Variants in CDKAL1 observed in about 807,000 individuals in gnomAD.
The protein encoded by CDKAL1 is threonylcarbamoyladenosine tRNA methylthiotransferase.
In CDKAL1, 32 loss-of-function variants were observed where a neutral mutation model predicts 68.2. The observed-to-expected ratio is 0.47, with a 90% CI of 0.35 to 0.63. CDKAL1 has a LOEUF of 0.63. Ranked by LOEUF, CDKAL1 falls within the 30% of genes least tolerant of loss-of-function variation. The probability of loss-of-function intolerance (pLI) is 0.00; values close to 1 mark genes in which losing one functional copy is unlikely to be tolerated. For synonymous variants in CDKAL1, 234 were observed against 244.3 expected, an observed-to-expected ratio of 0.96 and a Z score of 0.39; for missense variants, 606 against 696.7, an observed-to-expected ratio of 0.87 and a Z score of 1.47.
intron 9 of CDKAL1, among the ~76,000 whole-genome samples, chr6:20,860,933 A>ATTTTTT (rs70990075): frequency 7.4e-6 from 1 of 134,230 alleles, no homozygotes; most frequent in Non-Finnish European, 1.6e-5. Flanking sequence ...AGTGTGGTCT[A>ATTTTTT]TTTTTTTTTT....
At chr6:20,988,160 A>C (rs923964383) in intron 10 of CDKAL1, among the ~76,000 whole-genome samples, 2 of 146,008 alleles carry the variant, frequency 1.4e-5, no homozygotes, top group East Asian at 2.1e-4. Flanking sequence ...GGATTAATCA[A>C]AGTCCTTCAA....
At chr6:20,871,899 T>C (rs1408440839) in intron 9 of CDKAL1, among the ~76,000 whole-genome samples, 2 of 152,198 alleles carry the variant, frequency 1.3e-5, no homozygotes, top group Non-Finnish European at 2.9e-5. Context: ...ACAAACAATA[T>C]ATATGTCTCC....
chr6:20,709,450 C>CA (rs1339466521), intron 5 of CDKAL1, among the ~76,000 whole-genome samples: 12 of 148,006 alleles, frequency 8.1e-5, no homozygotes, highest in East Asian at 3.9e-4. Flanking sequence ...ATTAGGGATG[C>CA]AAAAAAAAAA....
chr6:20,538,694 G>A (rs1763272380), intron 2 of CDKAL1, among the ~76,000 whole-genome samples: 2 of 152,132 alleles, frequency 1.3e-5, no homozygotes, highest in African/African-American at 4.8e-5. Context: ...CATTCCAAAG[G>A]CACTACCTGG....
intron 12 of CDKAL1, among the ~76,000 whole-genome samples, chr6:21,094,689 T>G (rs1773229752): frequency 6.6e-6 from 1 of 152,208 alleles, no homozygotes; most frequent in African/African-American, 2.4e-5. Flanking sequence ...GTCTTGGTTG[T>G]TAGTGATAGA....
intron 11 of CDKAL1, among the ~76,000 whole-genome samples, chr6:21,006,571 T>A (rs1206818344): frequency 2.0e-5 from 3 of 152,370 alleles, no homozygotes; most frequent in Middle Eastern, 3.4e-3. Context: ...CTTCTCTCCA[T>A]TGCTACTTTT....
intron 15 of CDKAL1, among the ~76,000 whole-genome samples, chr6:21,211,104 G>A (rs761891119): frequency 7.2e-5 from 11 of 152,198 alleles, no homozygotes; most frequent in Admixed American, 1.3e-4. Context: ...TGTGGAGAGG[G>A]TTTTCAGACA....
At chr6:20,583,955 T>C (rs976707141) in intron 4 of CDKAL1, among the ~76,000 whole-genome samples, 2 of 152,034 alleles carry the variant, frequency 1.3e-5, no homozygotes, top group Non-Finnish European at 2.9e-5. Flanking sequence ...AAAGTAAGTA[T>C]AGGAAACAGA....
Position 20,757,158 on chromosome 6 carries a change from C to T in CDKAL1, c.469-1437C>T, listed in dbSNP as rs186911781. Reference sequence around the variant, plus strand: ...ATGTTGGCCAGGCTGGTCTCGAACTCCTGACCTCAAGTGATCTGCCCCCTC... The same window carrying T: ...ATGTTGGCCAGGCTGGTCTCGAACTTCTGACCTCAAGTGATCTGCCCCCTC... On this transcript the variant is annotated intron_variant, in intron 6 of 15. Transcript: ENST00000274695. Among the ~76,000 whole-genome samples, 443 of 152,144 alleles carry T rather than the reference C, an allele frequency of 2.9e-3. 1 individual carries two copies. Among genetic ancestry groups the T allele is most frequent in the African/African-American group, 9.8e-3 (407 of 41,484 alleles).
chr6:20,875,462 T>C (rs528345191), intron 9 of CDKAL1, among the ~76,000 whole-genome samples: 10 of 151,884 alleles, frequency 6.6e-5, no homozygotes, highest in African/African-American at 2.4e-4. Flanking sequence ...AGAAAAAAAA[T>C]AGTGCTTCCC....
intron 8 of CDKAL1, among the ~76,000 whole-genome samples, chr6:20,836,726 G>GT (rs1413696015): frequency 6.6e-6 from 1 of 152,092 alleles, no homozygotes; most frequent in African/African-American, 2.4e-5. Context: ...AATGGGGGTA[G>GT]TTTTTATCAT....
chr6:20,903,637 T>TAGA (rs1412051126), intron 9 of CDKAL1, among the ~76,000 whole-genome samples: 3 of 152,220 alleles, frequency 2.0e-5, no homozygotes, highest in Admixed American at 6.5e-5. Context: ...TGCTTCTAAA[T>TAGA]AGAAAATGAG....
chr6:20,555,560 C>T (rs1398292113), intron 4 of CDKAL1, among the ~76,000 whole-genome samples: 1 of 148,952 alleles, frequency 6.7e-6, no homozygotes, highest in South Asian at 2.1e-4. Context: ...ACCTAGTGAT[C>T]TACCCATCTT....
chr6:20,703,841 A>G (rs542513165), intron 5 of CDKAL1, among the ~76,000 whole-genome samples: 1 of 152,342 alleles, frequency 6.6e-6, no homozygotes, highest in South Asian at 2.1e-4. Context: ...ATTTTCAGGA[A>G]TATTTTTAAT....
intron 8 of CDKAL1, among the ~76,000 whole-genome samples, chr6:20,802,312 C>CAATAATAATAATAATAAT (rs1349564349): frequency 4.9e-4 from 49 of 99,688 alleles, no homozygotes; most frequent in Middle Eastern, 5.2e-3. Flanking sequence ...ACAACAACAA[C>CAATAATAATAATAATAAT]AACAATAATA....
At chr6:20,647,766 A>G (rs563389120) in intron 4 of CDKAL1, among the ~76,000 whole-genome samples, 26 of 152,124 alleles carry the variant, frequency 1.7e-4, no homozygotes, top group Non-Finnish European at 2.8e-4. Context: ...TTTATGTTTT[A>G]TATAAGGCAC....
chr6:21,162,787 G>T (rs1776978389), intron 13 of CDKAL1, among the ~76,000 whole-genome samples: 1 of 152,042 alleles, frequency 6.6e-6, no homozygotes, highest in Non-Finnish European at 1.5e-5. Flanking sequence ...AATTAGTTGG[G>T]TGTGGTGGCA....
chr6:20,848,993 G>GT (rs1376309668), intron 9 of CDKAL1, among the ~76,000 whole-genome samples: 1 of 151,796 alleles, frequency 6.6e-6, no homozygotes, highest in African/African-American at 2.4e-5. Context: ...GAGTCTCCCT[G>GT]TGTTTGCCAG....
intron 12 of CDKAL1, among the ~76,000 whole-genome samples, chr6:21,084,094 G>C (rs534627987): frequency 6.6e-6 from 1 of 152,238 alleles, no homozygotes; most frequent in South Asian, 2.1e-4. Flanking sequence ...GTAGAAGAAA[G>C]AAACGGGAGG....
Sources: allele counts gnomAD v4.1 joint callset (sites outside exome capture counted in the v4.1 genomes callset), GRCh38; gene constraint gnomAD v4.1.1; transcripts MANE v1.5; gene names NCBI Gene and HGNC (gene_info 2026-07-23, HGNC 2026-07-21).